MEGF6: variants seen among roughly 807,000 people sequenced by gnomAD.
MEGF6 encodes multiple EGF like domains 6, also known as multiple epidermal growth factor-like domains protein 6.
A neutral mutation model predicts 207.1 loss-of-function variants in MEGF6; 184 were observed. That is an observed-to-expected ratio of 0.89 (90% CI 0.79 to 1.00). The LOEUF (loss-of-function observed/expected upper bound fraction) is 1.00, where lower values mean the gene tolerates loss of function less well. Ranked by LOEUF, MEGF6 falls within the 50% of genes least tolerant of loss-of-function variation. The probability of loss-of-function intolerance (pLI) is 0.00; values close to 1 mark genes in which losing one functional copy is unlikely to be tolerated. For missense variants in MEGF6, 2,282 were observed against 2,202.9 expected (o/e 1.04, Z -0.72); for synonymous variants, 1,038 against 910.0 (o/e 1.14, Z -2.53).
chr1:3,574,132 TG>T (rs374298908), intron 4 of MEGF6, among the ~76,000 whole-genome samples: 28 of 151,642 alleles, frequency 1.8e-4, no homozygotes, highest in African/African-American at 6.5e-4. Context: ...GGACTCAGAG[TG>T]GGCCTGGGTG....
intron 4 of MEGF6, among the ~76,000 whole-genome samples, chr1:3,552,030 C>A (rs1173427513): frequency 6.6e-6 from 1 of 152,186 alleles, no homozygotes; most frequent in Non-Finnish European, 1.5e-5. Flanking sequence ...TTACCATCAG[C>A]CCAGGCACGG....
At chr1:3,601,805 C>T (rs903239728) in intron 2 of MEGF6, among the ~76,000 whole-genome samples, 13 of 152,252 alleles carry the variant, frequency 8.5e-5, no homozygotes, top group Admixed American at 2.0e-4. Flanking sequence ...GTGCAGGTGT[C>T]CCGCGTGGAC....
intron 3 of MEGF6, among the ~76,000 whole-genome samples, chr1:3,587,528 G>A (rs1308678046): frequency 6.6e-6 from 1 of 152,256 alleles, no homozygotes; most frequent in Non-Finnish European, 1.5e-5. Context: ...CAATGTTGAC[G>A]GGCGTGTGGA....
At chr1:3,614,743 C>T (rs180747086), upstream of MEGF6, among the ~76,000 whole-genome samples, 1 of 152,310 alleles carries the variant, frequency 6.6e-6, no homozygotes. Context: ...GCTTCCATTG[C>T]ATTTATTTAC....
In MEGF6 at chr1:3,586,415, C is replaced by T. The variant is rs995676978; in HGVS notation, c.377-6486G>A. ...TGTGTGTGTGCCAATCTGTGCAAGGCAGTGCATGAGTGAGCTCGTCTGGTG... is the reference window on the plus strand; with the variant it reads ...TGTGTGTGTGCCAATCTGTGCAAGGTAGTGCATGAGTGAGCTCGTCTGGTG... On this transcript the variant is annotated intron_variant, in intron 3 of 36. Coordinates refer to ENST00000356575, the MANE Select transcript of MEGF6 (RefSeq NM_001409.4). Among the ~76,000 whole-genome samples the T allele has an allele frequency of 1.1e-4, 16 of 152,280 alleles. No individual in the cohort carries two copies. The South Asian group carries it at 3.3e-3, about 32-fold the overall frequency.
At chr1:3,591,733 TG>T (rs1032754534) in intron 3 of MEGF6, among the ~76,000 whole-genome samples, 4 of 122,704 alleles carry the variant, frequency 3.3e-5, no homozygotes, top group Non-Finnish European at 6.7e-5. Context: ...AGGGACCCGA[TG>T]GGGGCGCCGG....
At chr1:3,533,335 G>A (rs916252367) in intron 4 of MEGF6, among the ~76,000 whole-genome samples, 11 of 152,234 alleles carry the variant, frequency 7.2e-5, no homozygotes, top group African/African-American at 2.2e-4. Flanking sequence ...CTCCTGGGGA[G>A]CCCCTCCCAT....
chr1:3,559,522 T>TA (rs59799522), intron 4 of MEGF6, among the ~76,000 whole-genome samples: 23,334 of 104,910 alleles, frequency 0.22, 3,050 homozygotes, highest in East Asian at 0.39. Flanking sequence ...CCTTGTCTCT[T>TA]AAAAAAAAAA....
intron 4 of MEGF6, among the ~76,000 whole-genome samples, chr1:3,545,949 C>G (rs890375392): frequency 6.6e-6 from 1 of 152,228 alleles, no homozygotes; most frequent in East Asian, 1.9e-4. Context: ...GCCCCTGCCC[C>G]CCTCCAAACG....
intron 4 of MEGF6, among the ~76,000 whole-genome samples, chr1:3,557,729 C>T (rs2101623965): frequency 1.3e-5 from 2 of 152,328 alleles, no homozygotes; most frequent in Middle Eastern, 3.4e-3. Context: ...CCAGGAAGCA[C>T]CAGCAGCAGG....
At chr1:3,541,830 G>A (rs1373818670) in intron 4 of MEGF6, among the ~76,000 whole-genome samples, 11 of 152,128 alleles carry the variant, frequency 7.2e-5, no homozygotes, top group Non-Finnish European at 1.2e-4. Flanking sequence ...TGGGGGCACC[G>A]TGGGGGGAGT....
intron 4 of MEGF6, among the ~76,000 whole-genome samples, chr1:3,572,774 G>A (rs1001244236): frequency 4.0e-5 from 6 of 149,644 alleles, no homozygotes; most frequent in African/African-American, 1.2e-4. Context: ...GTTCTCCTGC[G>A]TATGCTGGGT....
intron 4 of MEGF6, among the ~76,000 whole-genome samples, chr1:3,563,224 G>C (rs1490712944): frequency 6.6e-6 from 1 of 152,134 alleles, no homozygotes; most frequent in African/African-American, 2.4e-5. Flanking sequence ...CCTTCATCAA[G>C]ACCATGGTTT....
chr1:3,584,846 A>T (rs957453070), intron 3 of MEGF6, among the ~76,000 whole-genome samples: 2 of 152,232 alleles, frequency 1.3e-5, no homozygotes, highest in Non-Finnish European at 2.9e-5. Flanking sequence ...TGCCCTCAGC[A>T]CCTGCACACC....
At chr1:3,494,830 G>A (rs867278559) in intron 30 of MEGF6, 89 bp from the exon 31 acceptor site, 105 of 1,448,118 alleles carry the variant, frequency 7.3e-5, no homozygotes, top group Non-Finnish European at 8.4e-5. Flanking sequence ...ACAGTCACTC[G>A]GTAAATGCTT....
At chr1:3,572,128 T>C (rs567874719) in intron 4 of MEGF6, among the ~76,000 whole-genome samples, 1 of 136,396 alleles carries the variant, frequency 7.3e-6, no homozygotes, top group Admixed American at 7.3e-5. Context: ...GTGTGTTAGG[T>C]TCTCCCAGCT....
intron 4 of MEGF6, among the ~76,000 whole-genome samples, chr1:3,532,192 G>A (rs1642199484): frequency 6.6e-6 from 1 of 152,242 alleles, no homozygotes; most frequent in Admixed American, 6.5e-5. Context: ...CATAGCCCGG[G>A]GGAGGCAGTC....
At chr1:3,550,899 G>A (rs1015329049) in intron 4 of MEGF6, among the ~76,000 whole-genome samples, 4 of 152,254 alleles carry the variant, frequency 2.6e-5, no homozygotes, top group Admixed American at 6.5e-5. Context: ...AGACCCTAAC[G>A]GGTGTGACAG....
At chr1:3,516,034 G>C (rs545265619) in intron 5 of MEGF6, among the ~76,000 whole-genome samples, 132 of 152,338 alleles carry the variant, frequency 8.7e-4, no homozygotes, top group Middle Eastern at 3.4e-3. Flanking sequence ...GCTGCCATGG[G>C]CCACAGGCTT....
Sources: gnomAD v4.1 joint callset for allele counts (sites outside exome capture counted in the v4.1 genomes callset) on GRCh38, gnomAD v4.1.1 for gene constraint, MANE v1.5 for transcripts, NCBI Gene and HGNC (gene_info 2026-07-23, HGNC 2026-07-21) for gene names.